The following ETV1 variants were observed in gnomAD, a reference collection of about 807,000 sequenced individuals.
ETV1 encodes ETS translocation variant 1.
Under a neutral mutation model 62.3 loss-of-function variants are expected in ETV1, and 27 were observed. The ratio of observed to expected loss-of-function variants is 0.43; its 90% CI spans 0.32 to 0.60. The LOEUF (loss-of-function observed/expected upper bound fraction) is 0.60, where lower values mean the gene tolerates loss of function less well. Ranked by LOEUF, ETV1 falls within the 20% of genes least tolerant of loss-of-function variation. The probability of loss-of-function intolerance (pLI) is 0.06; values close to 1 mark genes in which losing one functional copy is unlikely to be tolerated. For missense variants in ETV1, 605 were observed against 605.8 expected (o/e 1.00, Z 0.01); for synonymous variants, 222 against 199.6 (o/e 1.11, Z -0.94).
At chr7:13,986,842 C>G in intron 4 of ETV1, 157 bp from the exon 5 acceptor site, 1 of 608,338 alleles carries the variant, frequency 1.6e-6, no homozygotes, top group Non-Finnish European at 2.9e-6. Flanking sequence ...TTAAATATCT[C>G]AATAATACTG....
At chr7:13,965,515 T>C (rs1325633336) in intron 6 of ETV1, among the ~76,000 whole-genome samples, 1 of 152,160 alleles carries the variant, frequency 6.6e-6, no homozygotes, top group African/African-American at 2.4e-5. Context: ...GTATTGGCTA[T>C]CAGGGAGGGA....
rs374245743 is a variant in ETV1 at position 13,932,138 on chromosome 7, T to G, written c.555-389A>C. ...ACGGATAATTTCCACACAAGATTCT[T>G]AAATCATTATATACCAGAAAAAGAT... On this transcript the variant is annotated intron_variant, in intron 8 of 13. Coordinates refer to ENST00000430479, the MANE Select transcript of ETV1 (RefSeq NM_004956.5). Among the ~76,000 whole-genome samples, 5 of 152,170 alleles carry G rather than the reference T, an allele frequency of 3.3e-5. No individual in the cohort carries two copies. In the East Asian group the frequency reaches 7.7e-4, roughly 24 times the overall value.
upstream of ETV1, chr7:13,990,599 C>G (rs1246801233): frequency 6.6e-6 from 1 of 152,386 alleles, no homozygotes; most frequent in African/African-American, 2.4e-5. Context: ...ACAGCCAGAG[C>G]CCAGGGTTGG....
rs60917785 is a variant in ETV1 at position 13,963,115 on chromosome 7, C to G, written c.235+14312G>C. On this transcript the variant is annotated intron_variant, in intron 6 of 13. Coordinates refer to ENST00000430479, the MANE Select transcript of ETV1 (RefSeq NM_004956.5). ...GAGCTTTGTCTACTCTGTCTATATC[C>G]CAAGGTAACTGTGAGAATCAAATGA... is the stretch of plus-strand genomic sequence containing the variant. Among the ~76,000 whole-genome samples the G allele has an allele frequency of 1.7e-3, 260 of 152,052 alleles. 1 individual carries two copies. Among genetic ancestry groups the G allele is most frequent in the African/African-American group, 5.8e-3 (241 of 41,480 alleles).
At chr7:13,917,287 A>AGTAT (rs1304078927) in intron 9 of ETV1, among the ~76,000 whole-genome samples, 2 of 142,620 alleles carry the variant, frequency 1.4e-5, no homozygotes, top group African/African-American at 2.6e-5. Flanking sequence ...TGTAACTTTG[A>AGTAT]GTATTTATTT....
rs560619549 is a variant in ETV1 at position 13,947,008 on chromosome 7, C to T, written c.236-7762G>A. Among the ~76,000 whole-genome samples, 385 of 152,232 alleles carry T rather than the reference C, an allele frequency of 2.5e-3. 1 individual carries two copies. The highest frequency in any genetic ancestry group is 8.5e-3 in the African/African-American group (352 of 41,542). ...GTTTCACCATGTTGGCCAGGCTGGT[C>T]TCAAACTCCAGACCGCCTCGGCCTC... On this transcript the variant is annotated intron_variant, in intron 6 of 13. Transcript: ENST00000430479.
chr7:13,983,532 A>G (rs904136338), intron 5 of ETV1, among the ~76,000 whole-genome samples: 5 of 151,912 alleles, frequency 3.3e-5, no homozygotes, highest in African/African-American at 7.2e-5. Context: ...GTCTAATTTA[A>G]AAGACAAAGA....
chr7:13,984,359 C>A (rs1421288941), intron 5 of ETV1, among the ~76,000 whole-genome samples: 1 of 152,018 alleles, frequency 6.6e-6, no homozygotes, highest in African/African-American at 2.4e-5. Context: ...ATGGACACAT[C>A]TCACTACAAA....
intron 5 of ETV1, among the ~76,000 whole-genome samples, chr7:13,978,678 A>G (rs1335831881): frequency 6.6e-6 from 1 of 151,992 alleles, no homozygotes; most frequent in African/African-American, 2.4e-5. Flanking sequence ...GAATGGCTTA[A>G]GAAAAAAATC....
intron 6 of ETV1, among the ~76,000 whole-genome samples, chr7:13,960,158 A>G (rs1389088002): frequency 6.6e-6 from 1 of 152,142 alleles, no homozygotes; most frequent in Non-Finnish European, 1.5e-5. Flanking sequence ...ATAATGAATA[A>G]TTACATCTGT....
chr7:13,913,444 T>C (rs1048834643), intron 9 of ETV1, among the ~76,000 whole-genome samples: 2 of 152,184 alleles, frequency 1.3e-5, no homozygotes, highest in African/African-American at 4.8e-5. Flanking sequence ...AACTCCCAAC[T>C]TCCTCATCTG....
At position 13,911,353 on chromosome 7, in the gene ETV1, C is replaced by T. The variant is rs760154498; in HGVS notation, c.803-46G>A. On this transcript the variant is annotated intron_variant, in intron 9 of 13. Transcript: ENST00000430479. Reference sequence around the variant, plus strand: ...GGTCAAAAAGAGTCTGGAGCTGAAACGCTGCGGTTATCAATGGACAGGGTG... The same window carrying T: ...GGTCAAAAAGAGTCTGGAGCTGAAATGCTGCGGTTATCAATGGACAGGGTG... 5.3e-5 allele frequency: 73 copies of T among 1,377,352 alleles called. 1 individual carries two copies. In the South Asian group the frequency reaches 5.6e-4, roughly 11 times the overall value. The allele number at this position is 1,377,352 out of a possible 1,614,324, so 85.3% of individuals were successfully genotyped here.
chr7:13,986,294 C>G, intron 5 of ETV1: 1 of 1,506,600 alleles, frequency 6.6e-7, no homozygotes, highest in Non-Finnish European at 8.8e-7. Context: ...GGTTCTGGCT[C>G]TAGGAGGTCT....
intron 9 of ETV1, among the ~76,000 whole-genome samples, chr7:13,913,298 T>C (rs1342717766): frequency 6.6e-6 from 1 of 152,204 alleles, no homozygotes; most frequent in Non-Finnish European, 1.5e-5. Flanking sequence ...ATCCACAGAT[T>C]ATAGTTTAAG....
Position 13,896,040 on chromosome 7 carries a change from G to A in ETV1, c.1260C>T (p.Ala420=), listed in dbSNP as rs1562576304. 1 of 1,613,566 alleles carries A rather than the reference G, an allele frequency of 6.2e-7. No individual in the cohort carries two copies. The highest frequency in any genetic ancestry group is 8.5e-7 in the Non-Finnish European group (1 of 1,179,852). ...TATCTGGAAAGGCCATGGAGAAAAG[G>A]GCTTCTGGATCACACACAAACTTGT... ...YVYKFVCDPE[A]LFSMAFPDNQ... The change falls in exon 14 of 14, where the codon GCC becomes GCT. Residue 420 remains alanine, a synonymous_variant. Coordinates refer to ENST00000430479, the MANE Select transcript of ETV1 (RefSeq NM_004956.5).
chr7:13,936,919 G>T (rs187355633), intron 7 of ETV1, among the ~76,000 whole-genome samples: 1 of 152,174 alleles, frequency 6.6e-6, no homozygotes, highest in Non-Finnish European at 1.5e-5. Flanking sequence ...ATGCATGTCT[G>T]TAGGCTCAGA....
chr7:13,955,209 G>A (rs1282491083), intron 6 of ETV1, among the ~76,000 whole-genome samples: 2 of 152,104 alleles, frequency 1.3e-5, no homozygotes, highest in African/African-American at 4.8e-5. Context: ...TTAATTCAAT[G>A]TATATTGAAG....
chr7:13,909,706 G>A lies in ETV1; in HGVS notation c.872-6C>T. ...GCCCTTTTCAAACATACAGCCTGTG[G>A]ATGAAAAAGGAATACATTTATTCAT... On this transcript the variant is annotated splice_region_variant and splice_polypyrimidine_tract_variant and intron_variant, in intron 10 of 13. Transcript: ENST00000430479. 6.2e-7 allele frequency: 1 copy of A among 1,604,234 alleles called. No homozygotes were observed. The highest frequency in any genetic ancestry group is 2.2e-5 in the East Asian group (1 of 44,796).
intron 13 of ETV1, among the ~76,000 whole-genome samples, chr7:13,897,042 A>G (rs892250258): frequency 6.6e-6 from 1 of 152,196 alleles, no homozygotes; most frequent in African/African-American, 2.4e-5. Flanking sequence ...GACATACCCC[A>G]AACTTAAATT....
Sources: allele counts gnomAD v4.1 joint callset (sites outside exome capture counted in the v4.1 genomes callset), GRCh38; gene constraint gnomAD v4.1.1; transcripts MANE v1.5; gene names NCBI Gene and HGNC (gene_info 2026-07-23, HGNC 2026-07-21).